FOLH1: variants seen among roughly 807,000 people sequenced by gnomAD.
FOLH1 encodes the protein folate hydrolase 1, also known as glutamate carboxypeptidase 2.
In FOLH1, 54 loss-of-function variants were observed where a neutral mutation model predicts 93.9. The observed-to-expected ratio is 0.57, with a 90% confidence interval of 0.46 to 0.72. The LOEUF is 0.72. FOLH1 is among the 30% of genes least tolerant of loss of function. FOLH1 has a pLI of 0.00. For missense variants in FOLH1, 571 were observed against 892.5 expected (o/e 0.64, Z 4.59); for synonymous variants, 249 against 303.6 (o/e 0.82, Z 1.87).
At chr11:49,160,531 C>G (rs2134968483) in intron 13 of FOLH1, among the ~76,000 whole-genome samples, 1 of 152,048 alleles carries the variant, frequency 6.6e-6, no homozygotes, top group South Asian at 2.1e-4. Flanking sequence ...CAACCTCCAC[C>G]TCCCGGGTTC....
rs1450182169 is a variant in FOLH1 at position 49,200,781 on chromosome 11, A to T, written c.225-340T>A. ...ATTATCTGTTTATATCACTGTGTAA[A>T]ATATTGAAACAGACAAAAATATTTT... On this transcript the variant is annotated intron_variant, in intron 2 of 18. Coordinates refer to ENST00000256999, the MANE Select transcript of FOLH1 (RefSeq NM_004476.3). Among the ~76,000 whole-genome samples, 4 of 152,280 alleles carry T rather than the reference A, an allele frequency of 2.6e-5. No homozygotes were observed. The East Asian group carries it at 7.7e-4, about 29-fold the overall frequency.
At chr11:49,193,738 A>G (rs539144994) in intron 3 of FOLH1, among the ~76,000 whole-genome samples, 1 of 152,356 alleles carries the variant, frequency 6.6e-6, no homozygotes, top group East Asian at 1.9e-4. Context: ...AGGTAGCACG[A>G]AATTTGGCTT....
At chr11:49,161,981 G>T (rs1179075121) in intron 13 of FOLH1, among the ~76,000 whole-genome samples, 1 of 152,172 alleles carries the variant, frequency 6.6e-6, no homozygotes, top group Non-Finnish European at 1.5e-5. Context: ...CAGGGTTTCA[G>T]CTGAGAGGTC....
intron 14 of FOLH1, among the ~76,000 whole-genome samples, chr11:49,157,674 G>T (rs532640030): frequency 6.6e-6 from 1 of 151,876 alleles, no homozygotes; most frequent in African/African-American, 2.4e-5. Flanking sequence ...CTCATCCCAC[G>T]CATTTCATAT....
intron 1 of FOLH1, 84 bp from the exon 2 acceptor site, chr11:49,206,256 T>C: frequency 6.3e-7 from 1 of 1,586,258 alleles, no homozygotes; most frequent in Non-Finnish European, 8.6e-7. Flanking sequence ...GTATTATTTG[T>C]AAAACACAAA....
rs151015667 is a variant in FOLH1, at chr11:49,145,863, G to A, written c.*893C>T. ...GATGGACCCTGAATCCTACCCTCATGTGAATGAATGCTCTATATCAGCAAA... is the reference window on the plus strand; with the variant it reads ...GATGGACCCTGAATCCTACCCTCATATGAATGAATGCTCTATATCAGCAAA... On this transcript the variant is annotated 3_prime_UTR_variant, in exon 19 of 19. Transcript: ENST00000256999. 6.0e-3 allele frequency among the ~76,000 whole-genome samples: 917 copies of A among 152,160 alleles called. 14 individuals are homozygous for A. The highest frequency in any genetic ancestry group is 0.021 in the African/African-American group (878 of 41,504).
chr11:49,157,912 C>T (rs755657561), intron 14 of FOLH1, 40 bp downstream of exon 14: 2 of 1,516,868 alleles, frequency 1.3e-6, no homozygotes, highest in Middle Eastern at 1.8e-4. Flanking sequence ...TCAAAACAAT[C>T]CCACACTGAA....
chr11:49,164,902 G>T (rs1041975294), intron 12 of FOLH1, 130 bp from the exon 13 acceptor site: 2 of 715,894 alleles, frequency 2.8e-6, no homozygotes, highest in Admixed American at 2.6e-5. Context: ...CTCTCCAATG[G>T]CTTCCCAACT....
At chr11:49,199,191 C>T (rs1863008555) in intron 3 of FOLH1, among the ~76,000 whole-genome samples, 1 of 151,960 alleles carries the variant, frequency 6.6e-6, no homozygotes, top group Non-Finnish European at 1.5e-5. Flanking sequence ...ATTAAGAGTG[C>T]CCAGTAATAA....
intron 9 of FOLH1, 78 bp downstream of exon 9, chr11:49,174,814 T>G: frequency 1.7e-6 from 2 of 1,194,248 alleles, no homozygotes; most frequent in South Asian, 2.9e-5. Flanking sequence ...TTGATTCACT[T>G]TGCACTCCCA....
At chr11:49,182,098 G>T (rs1860807741) in intron 7 of FOLH1, among the ~76,000 whole-genome samples, 1 of 152,062 alleles carries the variant, frequency 6.6e-6, no homozygotes, top group African/African-American at 2.4e-5. Context: ...GGAGGCCAAG[G>T]AGGGCGGATC....
intron 2 of FOLH1, among the ~76,000 whole-genome samples, chr11:49,200,758 T>C (rs1190544121): frequency 6.6e-6 from 1 of 152,182 alleles, no homozygotes; most frequent in East Asian, 1.9e-4. Flanking sequence ...TACATGGAAT[T>C]ATCTGTTTAT....
intron 12 of FOLH1, among the ~76,000 whole-genome samples, chr11:49,168,715 C>T (rs1327060192): frequency 6.6e-6 from 1 of 152,180 alleles, no homozygotes; most frequent in African/African-American, 2.4e-5. Context: ...AAGTGATCCA[C>T]CCGCTTCAGC....
At position 49,201,518 on chromosome 11, in the gene FOLH1, AATTAT is replaced by A. The variant is rs1414207629; in HGVS notation, c.225-1082_225-1078del. On this transcript the variant is annotated intron_variant, in intron 2 of 18. Coordinates refer to ENST00000256999, the MANE Select transcript of FOLH1 (RefSeq NM_004476.3). ...TTTCCTGTAACTTGTTTACTTTAAT[AATTAT>A]ATTAAAGTTATTTAAATTGTATTTA... Among the ~76,000 whole-genome samples, 5 of 151,744 alleles carry A rather than the reference AATTAT, an allele frequency of 3.3e-5. No individual in the cohort carries two copies. The South Asian group carries it at 8.3e-4, about 25-fold the overall frequency.
intron 16 of FOLH1, 135 bp from the exon 17 acceptor site, chr11:49,154,062 T>C (rs1372304727): frequency 1.5e-5 from 20 of 1,325,198 alleles, no homozygotes; most frequent in Non-Finnish European, 2.1e-5. Flanking sequence ...TTTTATATTA[T>C]AAGACGTGAG....
intron 17 of FOLH1, among the ~76,000 whole-genome samples, chr11:49,148,973 CACA>C (rs1161531372): frequency 6.6e-6 from 1 of 152,000 alleles, no homozygotes; most frequent in Non-Finnish European, 1.5e-5. Flanking sequence ...GGTACATGTG[CACA>C]ACGTGCAGGT....
At chr11:49,154,131 T>C (rs1856757596) in intron 16 of FOLH1, 97 bp downstream of exon 16, 1 of 1,511,796 alleles carries the variant, frequency 6.6e-7, no homozygotes, top group South Asian at 1.3e-5. Context: ...TCACTTGAAA[T>C]AGCAATAAAT....
chr11:49,156,093 C>T (rs2134918678), intron 15 of FOLH1, among the ~76,000 whole-genome samples: 1 of 151,878 alleles, frequency 6.6e-6, no homozygotes, highest in Middle Eastern at 3.4e-3. Flanking sequence ...CTCTTGCCTG[C>T]TGCCAGGTAA....
intron 12 of FOLH1, among the ~76,000 whole-genome samples, chr11:49,168,750 C>T (rs1242324749): frequency 2.0e-5 from 3 of 152,112 alleles, no homozygotes; most frequent in Non-Finnish European, 4.4e-5. Flanking sequence ...CGATTACAGG[C>T]GTGAGCCACC....
Sources: allele counts gnomAD v4.1 joint callset (sites outside exome capture counted in the v4.1 genomes callset), GRCh38; gene constraint gnomAD v4.1.1; transcripts MANE v1.5; gene names NCBI Gene and HGNC (gene_info 2026-07-23, HGNC 2026-07-21).